RYR2: variants seen among roughly 807,000 people sequenced by gnomAD.
The protein encoded by RYR2 is ryanodine receptor 2, also known as cardiac muscle ryanodine receptor-calcium release channel.
RYR2 carries 227 observed loss-of-function variants against 601.1 expected under a neutral mutation model. The observed-to-expected ratio is 0.38, with a 90% CI of 0.34 to 0.42. The LOEUF (loss-of-function observed/expected upper bound fraction) is 0.42. RYR2 is among the 10% of genes least tolerant of loss of function. The pLI, the probability that RYR2 is intolerant of heterozygous loss-of-function variation, is 1.00. For missense variants in RYR2, 4,646 were observed against 6,156.5 expected (o/e 0.75, Z 8.21); for synonymous variants, 2,223 against 2,175.1 (o/e 1.02, Z -0.61).
chr1:237,481,877 A>G (rs2150366747), intron 17 of RYR2, among the ~76,000 whole-genome samples: 1 of 150,130 alleles, frequency 6.7e-6, no homozygotes, highest in South Asian at 2.1e-4. Flanking sequence ...ACATGGAACT[A>G]GCTAGACCAT....
intron 87 of RYR2, among the ~76,000 whole-genome samples, chr1:237,774,441 G>C (rs1234173995): frequency 6.6e-6 from 1 of 152,150 alleles, no homozygotes; most frequent in Non-Finnish European, 1.5e-5. Flanking sequence ...TCATGGCCAA[G>C]TACAGCCAAC....
intron 48 of RYR2, among the ~76,000 whole-genome samples, chr1:237,647,738 T>C (rs140515301): frequency 0.022 from 3,406 of 152,272 alleles, 54 homozygotes; most frequent in Non-Finnish European, 0.036. Flanking sequence ...GTAATTATCA[T>C]GTGGTCAAAC....
chr1:237,549,289 T>C (rs1367835439), intron 26 of RYR2, among the ~76,000 whole-genome samples: 1 of 152,080 alleles, frequency 6.6e-6, no homozygotes, highest in East Asian at 1.9e-4. Flanking sequence ...AAAACAGTAT[T>C]TCTGGCTGGG....
intron 11 of RYR2, among the ~76,000 whole-genome samples, chr1:237,422,512 G>T (rs746329963): frequency 1.3e-5 from 2 of 151,442 alleles, no homozygotes; most frequent in African/African-American, 2.4e-5. Flanking sequence ...TGTTCATCGC[G>T]TTCTAATAAT....
chr1:237,269,054 T>TTTTTTTC (rs1172432563), intron 1 of RYR2, among the ~76,000 whole-genome samples: 1 of 141,990 alleles, frequency 7.0e-6, no homozygotes, highest in East Asian at 2.0e-4. Flanking sequence ...TTTTTTTTTT[T>TTTTTTTC]TTTGTGAGAC....
chr1:237,408,374 G>A (rs1414063087), intron 10 of RYR2, among the ~76,000 whole-genome samples: 1 of 100,674 alleles, frequency 9.9e-6, no homozygotes, highest in East Asian at 2.6e-4. Flanking sequence ...TGAAGGGCGT[G>A]GTCTGTGTCT....
Position 237,680,371 on chromosome 1 carries a change from A to G in RYR2, c.8896-85A>G, listed in dbSNP as rs1001606371. 13 of 1,159,500 alleles carry G rather than the reference A, an allele frequency of 1.1e-5. No individual in the cohort carries two copies. In the African/African-American group the frequency reaches 2.0e-4, roughly 18 times the overall value. 71.8% of individuals were successfully genotyped at this position (1,159,500 alleles called of 1,614,324 possible). A position where few individuals can be genotyped will look rare whatever the true frequency, so the allele number is the denominator to read the frequency against. On this transcript the variant is annotated intron_variant, in intron 61 of 104. Coordinates refer to ENST00000366574, the MANE Select transcript of RYR2 (RefSeq NM_001035.3). ...AGGAGACCTGTTGCATGTGAACAGA[A>G]CTCTGACTGCTCCAAAGCCTCAGCT...
chr1:237,132,270 G>C lies in RYR2; in HGVS notation c.48+89701G>C, dbSNP rs114247822. ...AATTGAGCCTTCTGCCAACAACTAG[G>C]ACTACATGAGTGAGTCATCTTGGAG... On this transcript the variant is annotated intron_variant, in intron 1 of 104. Coordinates refer to ENST00000366574, the MANE Select transcript of RYR2 (RefSeq NM_001035.3). Among the ~76,000 whole-genome samples, 434 of 152,286 alleles carry C rather than the reference G, an allele frequency of 2.8e-3. 6 individuals carry two copies. The highest frequency in any genetic ancestry group is 0.01 in the African/African-American group (418 of 41,564).
chr1:237,515,996 T>C (rs574547860), intron 24 of RYR2, among the ~76,000 whole-genome samples: 46 of 150,186 alleles, frequency 3.1e-4, no homozygotes, highest in African/African-American at 8.6e-4. Flanking sequence ...CTCTTCTTTT[T>C]TCTCTTCTTC....
At chr1:237,522,409 G>A (rs1246586277) in intron 24 of RYR2, among the ~76,000 whole-genome samples, 4 of 152,352 alleles carry the variant, frequency 2.6e-5, no homozygotes, top group Admixed American at 6.5e-5. Context: ...CGCAGGCTGC[G>A]TGTTGGACAA....
chr1:237,554,912 T>A (rs996600992), intron 27 of RYR2: 1 of 152,118 alleles, frequency 6.6e-6, no homozygotes, highest in Non-Finnish European at 1.5e-5. Flanking sequence ...ATTTTATAAA[T>A]CTTTTCAAAG....
At chr1:237,550,357 G>A (rs936159445) in intron 26 of RYR2, among the ~76,000 whole-genome samples, 187 bp from the exon 27 acceptor site, 4 of 152,062 alleles carry the variant, frequency 2.6e-5, no homozygotes, top group Admixed American at 1.3e-4. Flanking sequence ...CCATAGATGC[G>A]CTTATTCATT....
At chr1:237,169,990 G>C (rs934057565) in intron 1 of RYR2, among the ~76,000 whole-genome samples, 1 of 152,086 alleles carries the variant, frequency 6.6e-6, no homozygotes, top group Non-Finnish European at 1.5e-5. Context: ...TGTTATTATA[G>C]GTGCTGGGGA....
At chr1:237,148,261 A>G (rs1008073971) in intron 1 of RYR2, among the ~76,000 whole-genome samples, 3 of 151,868 alleles carry the variant, frequency 2.0e-5, no homozygotes, top group Admixed American at 6.6e-5. Flanking sequence ...GGAACAGAAA[A>G]CCAAACACCG....
intron 10 of RYR2, among the ~76,000 whole-genome samples, chr1:237,405,718 A>T (rs1398535330): frequency 6.6e-6 from 1 of 151,738 alleles, no homozygotes; most frequent in Non-Finnish European, 1.5e-5. Flanking sequence ...TTATTGCTAA[A>T]TTTTTTCTCT....
At chr1:237,730,642 C>T (rs1436754522) in intron 77 of RYR2, among the ~76,000 whole-genome samples, 2 of 151,976 alleles carry the variant, frequency 1.3e-5, no homozygotes, top group African/African-American at 4.8e-5. Flanking sequence ...AATTCCTTCT[C>T]AAAGCACCTA....
chr1:237,772,498 G>A (rs1041232220), intron 86 of RYR2, among the ~76,000 whole-genome samples: 3 of 152,154 alleles, frequency 2.0e-5, no homozygotes, highest in Admixed American at 1.3e-4. Context: ...ACTTAAATTT[G>A]ATAGTCTAAG....
At chr1:237,391,876 T>A (rs181075021) in intron 10 of RYR2, among the ~76,000 whole-genome samples, 1 of 152,220 alleles carries the variant, frequency 6.6e-6, no homozygotes, top group East Asian at 1.9e-4. Context: ...AACTAAATAT[T>A]TATCTTTTTC....
At chr1:237,466,025 A>G (rs1255492884) in intron 16 of RYR2, among the ~76,000 whole-genome samples, 1 of 152,184 alleles carries the variant, frequency 6.6e-6, no homozygotes, top group African/African-American at 2.4e-5. Context: ...CTCATGATTT[A>G]TTATTCTGTT....
Sources: gnomAD v4.1 joint callset for allele counts (sites outside exome capture counted in the v4.1 genomes callset) on GRCh38, gnomAD v4.1.1 for gene constraint, MANE v1.5 for transcripts, NCBI Gene and HGNC (gene_info 2026-07-23, HGNC 2026-07-21) for gene names.